Variants in RYR3 observed in about 807,000 individuals in gnomAD.
The protein encoded by RYR3 is brain ryanodine receptor-calcium release channel.
A neutral mutation model predicts 584.3 loss-of-function variants in RYR3; 207 were observed. The observed-to-expected ratio is 0.35, with a 90% CI of 0.32 to 0.40. The LOEUF is 0.40. Among genes scored for constraint, RYR3 ranks in the 10% least tolerant of loss-of-function variants. RYR3 has a pLI of 1.00. For synonymous variants in RYR3, 2,416 were observed against 2,248.5 expected, an observed-to-expected ratio of 1.07 and a Z score of -2.11; for missense variants, 5,616 against 6,089.2, an observed-to-expected ratio of 0.92 and a Z score of 2.59.
intron 3 of RYR3, among the ~76,000 whole-genome samples, chr15:33,507,268 A>G (rs1479908565): frequency 6.6e-6 from 1 of 152,206 alleles, no homozygotes; most frequent in East Asian, 1.9e-4. Flanking sequence ...CCCTAATTTA[A>G]CAGCAAAGAG....
intron 1 of RYR3, among the ~76,000 whole-genome samples, chr15:33,345,307 A>T (rs1377910918): frequency 6.6e-6 from 1 of 152,170 alleles, no homozygotes; most frequent in African/African-American, 2.4e-5. Context: ...GGACTATATA[A>T]GATATCATCT....
intron 1 of RYR3, among the ~76,000 whole-genome samples, chr15:33,433,001 C>CAATT (rs974312851): frequency 1.3e-5 from 2 of 151,698 alleles, no homozygotes; most frequent in Admixed American, 6.6e-5. Context: ...GTTTATTGAT[C>CAATT]AATTCTTCAA....
At chr15:33,742,545 A>T in intron 52 of RYR3, 101 bp downstream of exon 52, 1 of 795,482 alleles carries the variant, frequency 1.3e-6, no homozygotes, top group Middle Eastern at 2.3e-4. Flanking sequence ...TCTAAGTAAC[A>T]GATTTTCCAT....
Position 33,412,250 on chromosome 15 carries a change from A to G in RYR3, c.52-61169A>G, listed in dbSNP as rs1267228192. Among the ~76,000 whole-genome samples the G allele has an allele frequency of 1.3e-5, 2 of 151,762 alleles. No individual in the cohort carries two copies. The highest frequency in any genetic ancestry group is 4.8e-5 in the African/African-American group (2 of 41,276). ...AGCCATGCAGCTTTTCAATTTAGTA[A>G]CCCCTTTGGCTTGAGGCTGGGAAGG... On this transcript the variant is annotated intron_variant, in intron 1 of 103. Coordinates refer to ENST00000634891, the MANE Select transcript of RYR3 (RefSeq NM_001036.6). The surrounding 1 kb of genome is among the most constrained non-coding windows in gnomAD (Gnocchi z 4.3).
intron 94 of RYR3, 57 bp downstream of exon 94, chr15:33,848,478 G>A (rs944430525): frequency 3.2e-6 from 5 of 1,543,382 alleles, no homozygotes; most frequent in African/African-American, 1.4e-5. Flanking sequence ...TGTAAATAGA[G>A]TAACTCTTTC....
chr15:33,586,171 T>TC (rs2058837741), intron 16 of RYR3, 55 bp downstream of exon 16: 4 of 994,810 alleles, frequency 4.0e-6, no homozygotes, highest in Non-Finnish European at 6.5e-6. Context: ...TCCCCAATGT[T>TC]CATGACCATT....
intron 2 of RYR3, among the ~76,000 whole-genome samples, chr15:33,498,118 T>C (rs1038560631): frequency 6.6e-6 from 1 of 152,236 alleles, no homozygotes; most frequent in East Asian, 1.9e-4. Context: ...TATTTGTTGA[T>C]GAACACAGAT....
At chr15:33,853,115 C>T (rs370344816) in intron 95 of RYR3, 28 bp downstream of exon 95, 6 of 1,543,660 alleles carry the variant, frequency 3.9e-6, no homozygotes, top group Admixed American at 4.2e-5. Flanking sequence ...GGGTGAGTTC[C>T]GTGATCACCA....
chr15:33,660,528 A>G, intron 34 of RYR3, 105 bp downstream of exon 34: 2 of 698,350 alleles, frequency 2.9e-6, no homozygotes, highest in Non-Finnish European at 4.7e-6. Context: ...GATCCTGCTC[A>G]GTCCCAGTAT....
At chr15:33,382,035 G>T (rs2041224192) in intron 1 of RYR3, among the ~76,000 whole-genome samples, 1 of 152,096 alleles carries the variant, frequency 6.6e-6, no homozygotes. Context: ...AATTAGACTA[G>T]AATTTTAGTA....
At chr15:33,773,735 TG>T in intron 64 of RYR3, 120 bp downstream of exon 64, 3 of 712,728 alleles carry the variant, frequency 4.2e-6, no homozygotes, top group South Asian at 1.6e-5. Flanking sequence ...TGATACAGAA[TG>T]GTGGTTTTGA....
chr15:33,382,207 A>G (rs927994788), intron 1 of RYR3, among the ~76,000 whole-genome samples: 1 of 152,078 alleles, frequency 6.6e-6, no homozygotes, highest in East Asian at 1.9e-4. Context: ...GTGTGTAGGC[A>G]GCAGCCAGAT....
intron 2 of RYR3, among the ~76,000 whole-genome samples, chr15:33,496,635 A>G (rs1165972393): frequency 6.6e-6 from 1 of 152,188 alleles, no homozygotes; most frequent in Non-Finnish European, 1.5e-5. Context: ...AAGAATGCAC[A>G]CACACAATAC....
At chr15:33,724,584 T>A (rs1025057011) in intron 45 of RYR3, among the ~76,000 whole-genome samples, 1 of 152,218 alleles carries the variant, frequency 6.6e-6, no homozygotes, top group Non-Finnish European at 1.5e-5. Flanking sequence ...TTCCTGTGGT[T>A]GGTGTTTGAA....
chr15:33,424,201 T>C (rs1192782480), intron 1 of RYR3, among the ~76,000 whole-genome samples: 1 of 152,226 alleles, frequency 6.6e-6, no homozygotes, highest in East Asian at 1.9e-4. Flanking sequence ...CTACTAGCCA[T>C]GACACTTCAG....
rs150319107 is a variant in RYR3 at position 33,708,034 on chromosome 15, C to T, written c.6619+980C>T. Among the ~76,000 whole-genome samples the T allele has an allele frequency of 7.4e-3, 1,126 of 152,250 alleles. 5 individuals carry two copies. Among genetic ancestry groups the T allele is most frequent in the Non-Finnish European group, 0.011 (771 of 67,998 alleles). On this transcript the variant is annotated intron_variant, in intron 43 of 103. Coordinates refer to ENST00000634891, the MANE Select transcript of RYR3 (RefSeq NM_001036.6). Reference sequence around the variant, plus strand: ...TTGTTATCCCTGGAACCCACCCAGCCAACTTCCTAATCAACTCTCTCTGCT... The same window carrying T: ...TTGTTATCCCTGGAACCCACCCAGCTAACTTCCTAATCAACTCTCTCTGCT...
intron 2 of RYR3, among the ~76,000 whole-genome samples, chr15:33,476,343 CTAAG>C (rs1199535045): frequency 6.6e-6 from 1 of 152,170 alleles, no homozygotes; most frequent in Non-Finnish European, 1.5e-5. Context: ...ATCCACTTAA[CTAAG>C]TGATTGTTCT....
At chr15:33,848,031 A>C (rs1054085320) in intron 93 of RYR3, among the ~76,000 whole-genome samples, 1 of 152,214 alleles carries the variant, frequency 6.6e-6, no homozygotes, top group African/African-American at 2.4e-5. Context: ...GCATGGGTCA[A>C]GGAGTCTAGT....
chr15:33,711,445 G>A (rs892403317), intron 43 of RYR3, among the ~76,000 whole-genome samples: 11 of 151,796 alleles, frequency 7.2e-5, no homozygotes, highest in South Asian at 4.2e-4. Context: ...GGGTTTCACC[G>A]TGTTAGCCAG....
Sources: allele counts gnomAD v4.1 joint callset (sites outside exome capture counted in the v4.1 genomes callset), GRCh38; gene constraint gnomAD v4.1.1; non-coding constraint Gnocchi (gnomAD v3.1); transcripts MANE v1.5; gene names NCBI Gene and HGNC (gene_info 2026-07-23, HGNC 2026-07-21).